The following ALPL variants were observed in gnomAD, a reference collection of about 807,000 sequenced individuals.
ALPL encodes alkaline phosphatase, tissue-nonspecific isozyme.
ALPL carries 42 observed loss-of-function variants against 51.3 expected under a neutral mutation model. The ratio of observed to expected loss-of-function variants is 0.82; its 90% CI spans 0.64 to 1.06. The LOEUF is 1.06. Among genes scored for constraint, ALPL ranks in the 50% least tolerant of loss-of-function variants. The pLI, the probability that ALPL is intolerant of heterozygous loss-of-function variation, is 0.00. For synonymous variants in ALPL, 279 were observed against 296.4 expected, an observed-to-expected ratio of 0.94 and a Z score of 0.60; for missense variants, 589 against 709.4, an observed-to-expected ratio of 0.83 and a Z score of 1.93.
chr1:21,564,206 G>A lies in ALPL; in HGVS notation c.638G>A (p.Arg213Lys). Reference sequence around the variant, plus strand: ...GCCTACCAGCTCATGCATAACATCAGGGACATTGACGTGAGTGCTCGGGGG... The same window carrying A: ...GCCTACCAGCTCATGCATAACATCAAGGACATTGACGTGAGTGCTCGGGGG... Reference protein sequence around the residue: ...DIAYQLMHNIRDIDVIMGGGR... With the variant: ...DIAYQLMHNIKDIDVIMGGGR... The change falls in exon 6 of 12, where the codon AGG becomes AAG. Residue 213 changes from arginine to lysine, a missense_variant. Transcript: ENST00000374840. This position sits in a 1 kb window ranked among gnomAD's most constrained non-coding sequence, Gnocchi z 5.8. 1.2e-6 allele frequency: 2 copies of A among 1,613,854 alleles called. No homozygotes were observed. The highest frequency in any genetic ancestry group is 1.7e-6 in the Non-Finnish European group (2 of 1,179,982).
chr1:21,530,304 C>T (rs746326235), intron 1 of ALPL, among the ~76,000 whole-genome samples: 3 of 152,148 alleles, frequency 2.0e-5, no homozygotes, highest in Non-Finnish European at 2.9e-5. Context: ...TGATCTAATA[C>T]GGATGATTCC....
At chr1:21,530,954 AT>A (rs34079543) in intron 1 of ALPL, among the ~76,000 whole-genome samples, 4,018 of 103,860 alleles carry the variant, frequency 0.039, 65 homozygotes, top group Non-Finnish European at 0.047. Flanking sequence ...ATCATTTTTG[AT>A]TTTTTTTTTT....
intron 1 of ALPL, among the ~76,000 whole-genome samples, chr1:21,538,478 C>T (rs897423094): frequency 6.6e-6 from 1 of 152,200 alleles, no homozygotes; most frequent in African/African-American, 2.4e-5. Context: ...TGATCTGAGC[C>T]CTCTGCGCCC....
In ALPL at chr1:21,577,665, C is replaced by A. The variant is rs780269910; in HGVS notation, c.*17C>A. 6.3e-6 allele frequency: 10 copies of A among 1,591,874 alleles called. No homozygotes were observed. The highest frequency in any genetic ancestry group is 1.3e-5 in the African/African-American group (1 of 74,658). On this transcript the variant is annotated 3_prime_UTR_variant, in exon 12 of 12. Coordinates refer to ENST00000374840, the MANE Select transcript of ALPL (RefSeq NM_000478.6). ...CTGTTCTGAGGGCCCAGGGCCCGGG[C>A]ACCCACAAGCCCGTGACAGATGCCA... is the stretch of plus-strand genomic sequence containing the variant.
At chr1:21,554,775 C>T (rs1644377843) in intron 2 of ALPL, among the ~76,000 whole-genome samples, 1 of 150,880 alleles carries the variant, frequency 6.6e-6, no homozygotes, top group Non-Finnish European at 1.5e-5. Context: ...CAGGCGTGAG[C>T]CACCGCGCCT....
intron 7 of ALPL, among the ~76,000 whole-genome samples, chr1:21,568,934 C>T (rs757168559): frequency 2.0e-5 from 3 of 152,154 alleles, no homozygotes; most frequent in Non-Finnish European, 2.9e-5. Context: ...TGCTGGCCTG[C>T]GGGCCTGGGG....
intron 1 of ALPL, among the ~76,000 whole-genome samples, chr1:21,511,866 C>T (rs904667723): frequency 1.3e-5 from 2 of 152,164 alleles, no homozygotes; most frequent in Non-Finnish European, 2.9e-5. Flanking sequence ...AAGTGAGTTG[C>T]CCAGAGGCAC....
intron 11 of ALPL, among the ~76,000 whole-genome samples, chr1:21,577,052 A>G (rs1253446600): frequency 6.6e-6 from 1 of 152,098 alleles, no homozygotes. Flanking sequence ...ATCCCATATC[A>G]TTCATTCGTT....
At chr1:21,525,188 G>A (rs536229258) in intron 1 of ALPL, among the ~76,000 whole-genome samples, 31 of 152,304 alleles carry the variant, frequency 2.0e-4, no homozygotes, top group African/African-American at 7.2e-4. Flanking sequence ...CCTCTTGGGC[G>A]GCCACATGAT....
chr1:21,577,430 A>G lies in ALPL; in HGVS notation c.1357A>G (p.Thr453Ala). The G allele has an allele frequency of 1.2e-6, 2 of 1,613,012 alleles. No individual in the cohort carries two copies. Among genetic ancestry groups the G allele is most frequent in the Non-Finnish European group, 1.7e-6 (2 of 1,179,954 alleles). Reference sequence around the variant, plus strand: ...GTCTGCTGTGCCCCTGCGCCACGAGACCCACGGCGGGGAGGACGTGGCCGT... The same window carrying G: ...GTCTGCTGTGCCCCTGCGCCACGAGGCCCACGGCGGGGAGGACGTGGCCGT... ...AQSAVPLRHE[T>A]HGGEDVAVFS... The change falls in exon 12 of 12, where the codon ACC (threonine) becomes GCC (alanine). Residue 453 changes from threonine (T) to alanine (A), a missense_variant. Transcript: ENST00000374840.
Position 21,564,026 on chromosome 1 carries a change from C to A in ALPL, c.473-15C>A. 1.2e-6 allele frequency: 2 copies of A among 1,613,294 alleles called. No homozygotes were observed. The highest frequency in any genetic ancestry group is 1.7e-4 in the Middle Eastern group (1 of 6,052). The stretch of plus-strand genomic sequence containing the variant: ...ATCTGTGGATAAAGCCAAACCCGCC[C>A]CTCCTGCACCCCAGGGAAATCTGTG... On this transcript the variant is annotated splice_polypyrimidine_tract_variant and intron_variant, in intron 5 of 11. Coordinates refer to ENST00000374840, the MANE Select transcript of ALPL (RefSeq NM_000478.6). The surrounding 1 kb of genome is among the most constrained non-coding windows in gnomAD (Gnocchi z 5.8).
chr1:21,525,348 G>A (rs1643928151), intron 1 of ALPL, among the ~76,000 whole-genome samples: 1 of 152,212 alleles, frequency 6.6e-6, no homozygotes, highest in Admixed American at 6.5e-5. Context: ...AAAAATGCAT[G>A]GCCCATAGAC....
At chr1:21,570,421 G>C in intron 8 of ALPL, 47 bp downstream of exon 8, 1 of 1,595,816 alleles carries the variant, frequency 6.3e-7, no homozygotes, top group East Asian at 2.2e-5. Flanking sequence ...GGAGCCTGGT[G>C]GCCGGAGCTG....
chr1:21,536,650 G>A (rs938117963), intron 1 of ALPL, among the ~76,000 whole-genome samples: 6 of 152,220 alleles, frequency 3.9e-5, no homozygotes, highest in African/African-American at 1.2e-4. Flanking sequence ...AGCAGACAGA[G>A]TCTTCCAGCT....
At chr1:21,531,481 C>T (rs751171554) in intron 1 of ALPL, among the ~76,000 whole-genome samples, 1 of 152,100 alleles carries the variant, frequency 6.6e-6, no homozygotes, top group Non-Finnish European at 1.5e-5. Context: ...TAGTGATAAG[C>T]CATAAGTTAA....
At chr1:21,576,954 T>C (rs1176861357) in intron 11 of ALPL, among the ~76,000 whole-genome samples, 3 of 152,216 alleles carry the variant, frequency 2.0e-5, no homozygotes, top group African/African-American at 7.2e-5. Flanking sequence ...GCATAGTGCC[T>C]GGCACAAGTA....
At chr1:21,516,452 G>T (rs1558525117) in intron 1 of ALPL, among the ~76,000 whole-genome samples, 1 of 152,126 alleles carries the variant, frequency 6.6e-6, no homozygotes, top group South Asian at 2.1e-4. Flanking sequence ...CACGTACTAG[G>T]CATGGTGCTC....
intron 2 of ALPL, among the ~76,000 whole-genome samples, chr1:21,556,807 C>T (rs1644419807): frequency 1.3e-5 from 2 of 151,896 alleles, no homozygotes; most frequent in African/African-American, 4.8e-5. Flanking sequence ...GGCATGGTGG[C>T]GCACTCCTGT....
At position 21,577,025 on chromosome 1, in the gene ALPL, T is replaced by C. The variant is rs112893449; in HGVS notation, c.1310-358T>C. On this transcript the variant is annotated intron_variant, in intron 11 of 11. Coordinates refer to ENST00000374840, the MANE Select transcript of ALPL (RefSeq NM_000478.6). ...TATAATATTCCAGTATACGAGACTT[T>C]GCAGTTAGTTCATCCCATCCCATAT... Among the ~76,000 whole-genome samples, 1,197 of 152,280 alleles carry C rather than the reference T, an allele frequency of 7.9e-3. 24 individuals carry two copies. Among genetic ancestry groups the C allele is most frequent in the African/African-American group, 0.028 (1,146 of 41,558 alleles).
Sources: allele counts gnomAD v4.1 joint callset (sites outside exome capture counted in the v4.1 genomes callset), GRCh38; gene constraint gnomAD v4.1.1; non-coding constraint Gnocchi (gnomAD v3.1); transcripts MANE v1.5; gene names NCBI Gene and HGNC (gene_info 2026-07-23, HGNC 2026-07-21).